The following TDRD12 variants were observed in gnomAD, a reference collection of about 807,000 sequenced individuals.
TDRD12 encodes tudor domain containing 12, also known as putative ATP-dependent RNA helicase TDRD12.
Under a neutral mutation model 133.5 loss-of-function variants are expected in TDRD12, and 158 were observed. The ratio of observed to expected loss-of-function variants is 1.18; its 90% CI spans 1.04 to 1.35. TDRD12 has a LOEUF of 1.35. TDRD12 is among the 40% of genes most tolerant of loss of function. TDRD12 has a pLI of 0.00. For synonymous variants in TDRD12, 460 were observed against 477.9 expected, an observed-to-expected ratio of 0.96 and a Z score of 0.49; for missense variants, 1,443 against 1,321.3, an observed-to-expected ratio of 1.09 and a Z score of -1.43.
intron 22 of TDRD12, among the ~76,000 whole-genome samples, chr19:32,808,497 A>C (rs1383454409): frequency 6.6e-6 from 1 of 151,762 alleles, no homozygotes; most frequent in Non-Finnish European, 1.5e-5. Context: ...TCTTCACATG[A>C]CCTCCTCTTC....
chr19:32,802,261 T>C (rs142740975), intron 19 of TDRD12, among the ~76,000 whole-genome samples: 462 of 148,772 alleles, frequency 3.1e-3, no homozygotes, highest in African/African-American at 0.011. Flanking sequence ...ATAGTGATCA[T>C]ATATATGATC....
At chr19:32,824,944 G>A (rs544251685), downstream of TDRD12, among the ~76,000 whole-genome samples, 2 of 152,192 alleles carry the variant, frequency 1.3e-5, no homozygotes, top group Non-Finnish European at 2.9e-5. Context: ...GAACCTGGCC[G>A]CTTGCTCCCA....
chr19:32,792,082 C>T (rs1555774112), intron 13 of TDRD12, among the ~76,000 whole-genome samples: 1 of 152,004 alleles, frequency 6.6e-6, no homozygotes, highest in Non-Finnish European at 1.5e-5. Flanking sequence ...CCCGTCTCTA[C>T]TAAAAATACA....
At chr19:32,791,633 C>G (rs1293564006) in intron 13 of TDRD12, among the ~76,000 whole-genome samples, 2 of 152,036 alleles carry the variant, frequency 1.3e-5, no homozygotes, top group Non-Finnish European at 2.9e-5. Context: ...GGAAGGAGTG[C>G]TTTGCGAGCG....
At chr19:32,740,524 T>C (rs1364689896) in intron 3 of TDRD12, among the ~76,000 whole-genome samples, 2 of 151,914 alleles carry the variant, frequency 1.3e-5, no homozygotes, top group Non-Finnish European at 2.9e-5. Flanking sequence ...GTTCTCTGCA[T>C]TTCCTGGCTG....
chr19:32,811,245 C>A, exon 24 of TDRD12: 1 of 1,536,078 alleles, frequency 6.5e-7, no homozygotes. Context: ...AAAGAAGACG[C>A]CTGGGCCCTG....
At chr19:32,738,810 C>CT in intron 2 of TDRD12, 46 bp from the exon 3 acceptor site, 1 of 1,540,038 alleles carries the variant, frequency 6.5e-7, no homozygotes, top group East Asian at 2.5e-5. Context: ...AACACTCTGT[C>CT]TCAAAAAAAT....
exon 25 of TDRD12, chr19:32,813,726 G>C (rs899570607): frequency 6.5e-7 from 1 of 1,535,308 alleles, no homozygotes; most frequent in African/African-American, 1.4e-5. Flanking sequence ...AAAATTGCAT[G>C]ATGCAAAAGT....
intron 23 of TDRD12, among the ~76,000 whole-genome samples, chr19:32,810,766 C>T (rs1448549903): frequency 6.6e-6 from 1 of 152,098 alleles, no homozygotes; most frequent in Non-Finnish European, 1.5e-5. Context: ...GTTGCTCATG[C>T]CTGTAATCCC....
At chr19:32,750,249 A>C (rs1446153342) in intron 6 of TDRD12, among the ~76,000 whole-genome samples, 1 of 152,064 alleles carries the variant, frequency 6.6e-6, no homozygotes, top group Non-Finnish European at 1.5e-5. Flanking sequence ...TCACAAGCAG[A>C]AAGAAAGCGG....
chr19:32,793,359 T>G (rs1331967873), intron 13 of TDRD12, among the ~76,000 whole-genome samples: 1 of 152,126 alleles, frequency 6.6e-6, no homozygotes, highest in Non-Finnish European at 1.5e-5. Context: ...TAAAATATGT[T>G]CTCTACCAAA....
At chr19:32,827,122 G>C in intron 9 of TDRD12, 42 bp from the exon 33 acceptor site, 1 of 1,094,902 alleles carries the variant, frequency 9.1e-7, no homozygotes, top group Non-Finnish European at 1.2e-6. Context: ...AAGATTTGCT[G>C]ATTAGTCTAC....
intron 8 of TDRD12, among the ~76,000 whole-genome samples, chr19:32,758,496 T>C (rs1367753446): frequency 6.6e-6 from 1 of 152,098 alleles, no homozygotes; most frequent in Non-Finnish European, 1.5e-5. Context: ...ACCCGAGACT[T>C]GTAGCTAGGC....
chr19:32,819,431 C>G (rs1416050046), intron 27 of TDRD12, among the ~76,000 whole-genome samples: 1 of 151,344 alleles, frequency 6.6e-6, no homozygotes, highest in Non-Finnish European at 1.5e-5. Context: ...CCTCTACTTT[C>G]AAGAAAAAAA....
chr19:32,763,488 TC>T (rs775514491), intron 8 of TDRD12, among the ~76,000 whole-genome samples: 4 of 152,188 alleles, frequency 2.6e-5, no homozygotes, highest in African/African-American at 4.8e-5. Flanking sequence ...GTATTTCCCT[TC>T]CTCTAGGTTA....
At chr19:32,811,172 G>A (rs897062185) in intron 23 of TDRD12, 38 bp from the exon 24 acceptor site, 1 of 1,438,266 alleles carries the variant, frequency 7.0e-7, no homozygotes, top group Non-Finnish European at 9.4e-7. Context: ...ATCCTTTCTG[G>A]AATCTCTGCG....
intron 8 of TDRD12, among the ~76,000 whole-genome samples, chr19:32,759,469 A>T (rs1970091241): frequency 6.6e-6 from 1 of 151,258 alleles, no homozygotes; most frequent in Non-Finnish European, 1.5e-5. Context: ...TGATTGCAGT[A>T]GTGTGATCAC....
intron 11 of TDRD12, among the ~76,000 whole-genome samples, chr19:32,778,725 C>T (rs1325198694): frequency 6.6e-6 from 1 of 152,214 alleles, no homozygotes; most frequent in Non-Finnish European, 1.5e-5. Flanking sequence ...GTCTCGAACT[C>T]ATGACCTCAG....
chr19:32,749,144 AG>A (rs1969745857), intron 5 of TDRD12, among the ~76,000 whole-genome samples: 1 of 152,046 alleles, frequency 6.6e-6, no homozygotes, highest in Non-Finnish European at 1.5e-5. Flanking sequence ...ATCTGGGTAG[AG>A]GAGGAGCCAG....
Sources: allele counts gnomAD v4.1 joint callset (sites outside exome capture counted in the v4.1 genomes callset), GRCh38; gene constraint gnomAD v4.1.1; transcripts MANE v1.5; gene names NCBI Gene and HGNC (gene_info 2026-07-23, HGNC 2026-07-21).